Variants in VPS33A observed in about 807,000 individuals in gnomAD.
VPS33A encodes the protein VPS33A core subunit of CORVET and HOPS complexes, also known as vacuolar protein sorting-associated protein 33A.
In VPS33A, 32 loss-of-function variants were observed where a neutral mutation model predicts 71.8. The observed-to-expected ratio is 0.45, with a 90% CI of 0.34 to 0.60. The LOEUF (loss-of-function observed/expected upper bound fraction) is 0.60, where lower values mean the gene tolerates loss of function less well. Among genes scored for constraint, VPS33A ranks in the 20% least tolerant of loss-of-function variants. The pLI is 0.02. For missense variants in VPS33A, 625 were observed against 748.5 expected, an observed-to-expected ratio of 0.84 and a Z score of 1.92; for synonymous variants, 311 against 292.7, an observed-to-expected ratio of 1.06 and a Z score of -0.64.
intron 4 of VPS33A, among the ~76,000 whole-genome samples, chr12:122,259,999 C>T (rs140062150): frequency 5.3e-5 from 8 of 152,118 alleles, no homozygotes; most frequent in Non-Finnish European, 7.4e-5. Context: ...GGTATTATCA[C>T]GTCACTGCAC....
intron 3 of VPS33A, 138 bp from the exon 4 acceptor site, chr12:122,261,585 C>T (rs967663900): frequency 1.2e-6 from 1 of 811,394 alleles, no homozygotes; most frequent in African/African-American, 1.8e-5. Context: ...TACTGACTCT[C>T]AGGCCGGGTG....
chr12:122,262,584 T>C (rs1405234252), intron 3 of VPS33A, among the ~76,000 whole-genome samples: 2 of 147,244 alleles, frequency 1.4e-5, no homozygotes, highest in Admixed American at 1.4e-4. Flanking sequence ...GACTGGATGC[T>C]ATATTAAAAT....
chr12:122,264,723 T>C (rs1264350501), intron 1 of VPS33A: 1 of 152,198 alleles, frequency 6.6e-6, no homozygotes, highest in Non-Finnish European at 1.5e-5. Flanking sequence ...TCTGACCACA[T>C]TCATATCCTT....
Position 122,235,874 on chromosome 12 carries a change from C to G in VPS33A, c.1352G>C (p.Gly451Ala). The change falls in exon 11 of 13, where the codon GGC becomes GCC. Residue 451 changes from glycine (G) to alanine (A), a missense_variant. Physicochemically the swap from Gly to Ala is moderately conservative, Grantham distance 60 (BLOSUM62 0). Transcript: ENST00000267199. ...ILTLHNLEKA[G>A]LLKPQTGGRN... is the part of the protein sequence containing the mutation. ...GCCCCCCGTCTGCGGTTTCAGCAGG[C>G]CGGCCTTCTCCAGGTTGTGTAAGGT... 2 of 1,613,644 alleles carry G rather than the reference C, an allele frequency of 1.2e-6. No homozygotes were observed. The highest frequency in any genetic ancestry group is 1.7e-6 in the Non-Finnish European group (2 of 1,179,810).
intron 6 of VPS33A, chr12:122,249,327 A>G (rs1257852983): frequency 6.6e-6 from 1 of 152,104 alleles, no homozygotes; most frequent in Non-Finnish European, 1.5e-5. Flanking sequence ...GGTTCAAGCA[A>G]TTCCTCCATA....
chr12:122,249,718 A>G, intron 6 of VPS33A, 153 bp downstream of exon 6: 1 of 672,040 alleles, frequency 1.5e-6, no homozygotes. Context: ...TAAATTGCTT[A>G]CAAAAAGGTC....
Position 122,260,402 on chromosome 12 carries a change from T to G in VPS33A, c.483+859A>C, listed in dbSNP as rs1954977680. On this transcript the variant is annotated intron_variant, in intron 4 of 12. Transcript: ENST00000267199. ...GCAACCTCCACCTCCCGGGTTCAAG[T>G]GATTCTCCTGCCTCAGCCTCCTGAA... Among the ~76,000 whole-genome samples the G allele has an allele frequency of 2.0e-5, 3 of 151,810 alleles. 1 individual carries two copies. The highest frequency in any genetic ancestry group is 2.0e-4 in the Admixed American group (3 of 15,212).
rs181763702 is a variant in VPS33A, at chr12:122,257,224, C to A, written c.483+4037G>T. ...GGTGGATCATCTGAGGTCAGGACATCGAGATCAGTCTGGGCAACATGGTAA... is the reference window on the plus strand; with the variant it reads ...GGTGGATCATCTGAGGTCAGGACATAGAGATCAGTCTGGGCAACATGGTAA... On this transcript the variant is annotated intron_variant, in intron 4 of 12. Transcript: ENST00000267199. 8.6e-5 allele frequency among the ~76,000 whole-genome samples: 13 copies of A among 151,958 alleles called. No individual in the cohort carries two copies. In the East Asian group the frequency reaches 2.5e-3, roughly 29 times the overall value.
chr12:122,238,780 C>G lies in VPS33A; in HGVS notation c.1165-56G>C, dbSNP rs1954666835. The stretch of plus-strand genomic sequence containing the variant: ...ACATTTACATATACATACACACACA[C>G]ACACACACACACACACACACACACA... On this transcript the variant is annotated intron_variant, in intron 9 of 12. Coordinates refer to ENST00000267199, the MANE Select transcript of VPS33A (RefSeq NM_022916.6). The G allele has an allele frequency of 1.0e-5, 11 of 1,092,050 alleles. No homozygotes were observed. In the South Asian group the frequency reaches 1.3e-4, roughly 13 times the overall value. The allele number at this position is 1,092,050 out of a possible 1,614,324, so 67.6% of individuals were successfully genotyped here.
Position 122,251,059 on chromosome 12 carries a change from G to A in VPS33A, c.524C>T (p.Ala175Val). 1 of 1,614,176 alleles carries A rather than the reference G, an allele frequency of 6.2e-7. No homozygotes were observed. The highest frequency in any genetic ancestry group is 8.5e-7 in the Non-Finnish European group (1 of 1,180,010). Residue 175 changes from alanine to valine, a missense_variant, in exon 5 of 13, where the codon GCA (alanine) becomes GTA (valine). Coordinates refer to ENST00000267199, the MANE Select transcript of VPS33A (RefSeq NM_022916.6). ...TTGCAGGGTCATCAGCCCCTTGGCT[G>A]CGTGGTACAGGCTCGTCTGGTCACC... Reference protein sequence around the residue: ...LEGDQTSLYHAAKGLMTLQAL... With the variant: ...LEGDQTSLYHVAKGLMTLQAL...
chr12:122,250,564 C>G (rs77426177), intron 5 of VPS33A, among the ~76,000 whole-genome samples: 5,835 of 152,238 alleles, frequency 0.038, 371 homozygotes, highest in African/African-American at 0.13. Flanking sequence ...GCCAGGCACA[C>G]CACAGCCTTC....
intron 10 of VPS33A, among the ~76,000 whole-genome samples, chr12:122,237,958 A>AT (rs968445302): frequency 6.6e-6 from 1 of 150,902 alleles, no homozygotes; most frequent in East Asian, 2.0e-4. Context: ...AAATTTTTGT[A>AT]TTTTTTTTGT....
chr12:122,250,180 A>AAT, intron 5 of VPS33A, 135 bp from the exon 6 acceptor site: 6 of 984,546 alleles, frequency 6.1e-6, no homozygotes, highest in Non-Finnish European at 8.6e-6. Flanking sequence ...AGAAATAAGC[A>AAT]GCTCTAGAAA....
chr12:122,232,590 C>CT (rs1423297718), intron 12 of VPS33A, among the ~76,000 whole-genome samples, 163 bp from the exon 13 acceptor site: 1 of 151,838 alleles, frequency 6.6e-6, no homozygotes, highest in Non-Finnish European at 1.5e-5. Context: ...TTTTTTTTAA[C>CT]TTCTGAGATT....
At chr12:122,265,956 G>T (rs1955062786) in intron 1 of VPS33A, among the ~76,000 whole-genome samples, 1 of 152,248 alleles carries the variant, frequency 6.6e-6, no homozygotes, top group Non-Finnish European at 1.5e-5. Context: ...TCCCTGTAAT[G>T]AATGGACACT....
At chr12:122,235,198 G>A (rs1954613488) in intron 11 of VPS33A, among the ~76,000 whole-genome samples, 2 of 150,982 alleles carry the variant, frequency 1.3e-5, no homozygotes, top group Non-Finnish European at 2.9e-5. Context: ...GGACTCAAGC[G>A]ATCTGACCCT....
intron 3 of VPS33A, among the ~76,000 whole-genome samples, chr12:122,263,245 G>A (rs2136153620): frequency 6.6e-6 from 1 of 152,096 alleles, no homozygotes; most frequent in Non-Finnish European, 1.5e-5. Flanking sequence ...CACCCGCCTT[G>A]GCCTCCCAAA....
At chr12:122,238,883 G>T (rs569965580) in intron 9 of VPS33A, among the ~76,000 whole-genome samples, 159 bp from the exon 10 acceptor site, 1 of 148,822 alleles carries the variant, frequency 6.7e-6, no homozygotes, top group African/African-American at 2.5e-5. Context: ...GTGGGAAAAT[G>T]AGTTATTTTT....
intron 1 of VPS33A, 123 bp downstream of exon 1, chr12:122,266,184 G>A: frequency 1.4e-6 from 2 of 1,414,554 alleles, no homozygotes; most frequent in Non-Finnish European, 1.9e-6. Context: ...AAAGGGCCCT[G>A]AGGCTCGCCT....
Sources: gnomAD v4.1 joint callset for allele counts (sites outside exome capture counted in the v4.1 genomes callset) on GRCh38, gnomAD v4.1.1 for gene constraint, MANE v1.5 for transcripts, NCBI Gene and HGNC (gene_info 2026-07-23, HGNC 2026-07-21) for gene names.